Variants in HIVEP2 observed in about 807,000 individuals in gnomAD.
HIVEP2 encodes the protein transcription factor HIVEP2.
In HIVEP2, 14 loss-of-function variants were observed where a neutral mutation model predicts 180.7. The ratio of observed to expected loss-of-function variants is 0.08; its 90% CI spans 0.05 to 0.12. The LOEUF is 0.12. Among genes scored for constraint, HIVEP2 ranks in the 10% least tolerant of loss-of-function variants. The pLI, the probability that HIVEP2 is intolerant of heterozygous loss-of-function variation, is 1.00. For missense variants in HIVEP2, 2,579 were observed against 3,008.5 expected, an observed-to-expected ratio of 0.86 and a Z score of 3.34; for synonymous variants, 1,184 against 1,136.4, an observed-to-expected ratio of 1.04 and a Z score of -0.84.
rs74772405 is a variant in HIVEP2 at position 142,792,992 on chromosome 6, G to A, written c.-527-9377C>T. On this transcript the variant is annotated intron_variant, in intron 2 of 9. Coordinates refer to ENST00000367603, the MANE Select transcript of HIVEP2 (RefSeq NM_006734.4). ...TGGGAGCAGGGAACTAGCTGTGCTAGAGGGGCTTGATGAGTGGGGAACAGT... is the reference window on the plus strand; with the variant it reads ...TGGGAGCAGGGAACTAGCTGTGCTAAAGGGGCTTGATGAGTGGGGAACAGT... Among the ~76,000 whole-genome samples, 647 of 152,240 alleles carry A rather than the reference G, an allele frequency of 4.2e-3. 6 individuals carry two copies. Among genetic ancestry groups the A allele is most frequent in the African/African-American group, 0.015 (618 of 41,574 alleles).
In HIVEP2 at chr6:142,751,833, C is replaced by T. The variant is rs1180693506; in HGVS notation, c.*1274G>A. ...TATGAAAAAGGGTAAGGTGACCTCCCCTAACACAGATGTTAACCCTGTTCC... is the reference window on the plus strand; with the variant it reads ...TATGAAAAAGGGTAAGGTGACCTCCTCTAACACAGATGTTAACCCTGTTCC... On this transcript the variant is annotated 3_prime_UTR_variant, in exon 10 of 10. Transcript: ENST00000367603. 1 of 152,666 alleles carries T rather than the reference C, an allele frequency of 6.6e-6. No homozygotes were observed. Among genetic ancestry groups the T allele is most frequent in the Non-Finnish European group, 1.5e-5 (1 of 68,066 alleles). 9.5% of individuals were successfully genotyped at this position (152,666 alleles called of 1,614,324 possible). A position where few individuals can be genotyped will look rare whatever the true frequency, so the allele number is the denominator to read the frequency against.
In HIVEP2 at chr6:142,867,615, A is replaced by G. The variant is rs1272319148; in HGVS notation, c.-640-30568T>C. Among the ~76,000 whole-genome samples, 3 of 152,180 alleles carry G rather than the reference A, an allele frequency of 2.0e-5. No homozygotes were observed. The East Asian group carries it at 5.8e-4, about 29-fold the overall frequency. ...CTACTTGTTTAAGAAAGTGACATAA[A>G]TACAGAGACGAGATGACATAAAGCT... is the stretch of plus-strand genomic sequence containing the variant. On this transcript the variant is annotated intron_variant, in intron 1 of 9. Transcript: ENST00000367603.
chr6:142,850,348 T>G (rs188522318), intron 1 of HIVEP2, among the ~76,000 whole-genome samples: 1 of 152,336 alleles, frequency 6.6e-6, no homozygotes, highest in East Asian at 1.9e-4. Flanking sequence ...TTCTCAGCAA[T>G]TGACTACTAA....
At chr6:142,908,016 G>T (rs996866100) in intron 1 of HIVEP2, among the ~76,000 whole-genome samples, 1 of 152,170 alleles carries the variant, frequency 6.6e-6, no homozygotes, top group East Asian at 1.9e-4. Context: ...AGTTTGAGAG[G>T]TCTGAAAGGA....
intron 1 of HIVEP2, among the ~76,000 whole-genome samples, chr6:142,895,421 T>A (rs545084241): frequency 1.3e-5 from 2 of 152,302 alleles, no homozygotes; most frequent in South Asian, 2.1e-4. Context: ...CAAAACTAGA[T>A]GCTTAAGAGT....
At chr6:142,916,694 A>C (rs1473693546) in intron 1 of HIVEP2, among the ~76,000 whole-genome samples, 3 of 152,328 alleles carry the variant, frequency 2.0e-5, no homozygotes, top group African/African-American at 7.2e-5. Context: ...GAAAGAAGTT[A>C]TCAACTAATT....
intron 1 of HIVEP2, among the ~76,000 whole-genome samples, chr6:142,842,813 G>A (rs1775403709): frequency 6.6e-6 from 1 of 151,466 alleles, no homozygotes; most frequent in East Asian, 1.9e-4. Context: ...TTTTTTAAAG[G>A]CCATTTAAAG....
At chr6:142,797,906 C>G (rs955741391) in intron 2 of HIVEP2, among the ~76,000 whole-genome samples, 2 of 152,078 alleles carry the variant, frequency 1.3e-5, no homozygotes, top group African/African-American at 4.8e-5. Context: ...AGGGAGACCA[C>G]TGTACACACA....
At chr6:142,839,237 A>G (rs1030392274) in intron 1 of HIVEP2, among the ~76,000 whole-genome samples, 8 of 152,250 alleles carry the variant, frequency 5.3e-5, no homozygotes, top group African/African-American at 1.4e-4. Flanking sequence ...AAAGGAAAAT[A>G]AACACACGAT....
chr6:142,913,929 C>T (rs1769172771), intron 1 of HIVEP2, among the ~76,000 whole-genome samples: 2 of 152,074 alleles, frequency 1.3e-5, no homozygotes, highest in Non-Finnish European at 2.9e-5. Flanking sequence ...CACGTTTGCA[C>T]GTGTCTCTCC....
At chr6:142,755,398 C>G (rs1473576571) in intron 9 of HIVEP2, among the ~76,000 whole-genome samples, 1 of 152,200 alleles carries the variant, frequency 6.6e-6, no homozygotes, top group Non-Finnish European at 1.5e-5. Context: ...CATCAAACAC[C>G]AGTTTGGGAG....
intron 1 of HIVEP2, chr6:142,944,672 T>A (rs1778270361): frequency 6.5e-6 from 1 of 152,748 alleles, no homozygotes; most frequent in South Asian, 2.1e-4. Flanking sequence ...GGGCCAACGT[T>A]CCACCCACTT....
chr6:142,756,701 G>C (rs909507694), intron 9 of HIVEP2, among the ~76,000 whole-genome samples: 34 of 133,314 alleles, frequency 2.6e-4, no homozygotes, highest in Non-Finnish European at 4.4e-4. Context: ...AAAAGATAAG[G>C]CCACAGCCAT....
At chr6:142,924,322 C>A (rs917567778) in intron 1 of HIVEP2, among the ~76,000 whole-genome samples, 2 of 152,178 alleles carry the variant, frequency 1.3e-5, no homozygotes, top group Non-Finnish European at 2.9e-5. Context: ...TTTATTTCCT[C>A]ATTCAGCACC....
intron 2 of HIVEP2, among the ~76,000 whole-genome samples, chr6:142,786,904 C>G (rs1222655255): frequency 6.6e-6 from 1 of 152,148 alleles, no homozygotes; most frequent in Non-Finnish European, 1.5e-5. Context: ...TAAATACACA[C>G]TATATCACAA....
chr6:142,759,670 A>T, intron 9 of HIVEP2, 102 bp downstream of exon 9: 2 of 912,060 alleles, frequency 2.2e-6, no homozygotes, highest in Non-Finnish European at 3.4e-6. Flanking sequence ...CACTCCACCC[A>T]TGACAGATAC....
intron 2 of HIVEP2, among the ~76,000 whole-genome samples, chr6:142,816,329 T>A (rs1260480163): frequency 1.3e-5 from 2 of 152,206 alleles, no homozygotes; most frequent in Non-Finnish European, 2.9e-5. Flanking sequence ...ACCCTACTGT[T>A]CTTTGCCCCC....
At chr6:142,922,259 C>T (rs907386994) in intron 1 of HIVEP2, among the ~76,000 whole-genome samples, 21 of 152,208 alleles carry the variant, frequency 1.4e-4, no homozygotes, top group African/African-American at 4.8e-4. Flanking sequence ...TCCATTTCAC[C>T]TCTTCTGCAA....
At chr6:142,761,434 G>A (rs763447038) in intron 8 of HIVEP2, 30 bp downstream of exon 8, 3 of 1,084,952 alleles carry the variant, frequency 2.8e-6, no homozygotes, top group African/African-American at 3.1e-5. Context: ...ATAATGAAGA[G>A]GTCTGTCAAC....
Sources: gnomAD v4.1 joint callset for allele counts (sites outside exome capture counted in the v4.1 genomes callset) on GRCh38, gnomAD v4.1.1 for gene constraint, MANE v1.5 for transcripts, NCBI Gene and HGNC (gene_info 2026-07-23, HGNC 2026-07-21) for gene names.